Variants in NPTN observed in about 807,000 individuals in gnomAD.
The protein encoded by NPTN is SDR-1.
In NPTN, 5 loss-of-function variants were observed where a neutral mutation model predicts 42.7. The observed-to-expected ratio is 0.12, with a 90% confidence interval of 0.06 to 0.25. NPTN has a LOEUF of 0.25. Among genes scored for constraint, NPTN ranks in the 10% least tolerant of loss-of-function variants. The pLI is 1.00. For missense variants in NPTN, 307 were observed against 525.4 expected (o/e 0.58, Z 4.06); for synonymous variants, 180 against 201.9 (o/e 0.89, Z 0.92).
intron 1 of NPTN, among the ~76,000 whole-genome samples, chr15:73,609,090 TC>T (rs1053645135): frequency 4.8e-4 from 73 of 152,164 alleles, no homozygotes; most frequent in African/African-American, 1.7e-3. Context: ...TATACTTCTT[TC>T]CAAATGATTC....
intron 1 of NPTN, among the ~76,000 whole-genome samples, chr15:73,622,499 T>TTA (rs1200091589): frequency 1.7e-4 from 21 of 123,666 alleles, no homozygotes; most frequent in African/African-American, 6.2e-4. Flanking sequence ...AGAATTGTTT[T>TTA]AAAAAAAAAA....
At chr15:73,605,102 G>T (rs373640236) in intron 1 of NPTN, among the ~76,000 whole-genome samples, 12 of 138,956 alleles carry the variant, frequency 8.6e-5, no homozygotes, top group Non-Finnish European at 1.2e-4. Flanking sequence ...TGTCTCAAGG[G>T]GGGGGGGGGA....
intron 1 of NPTN, among the ~76,000 whole-genome samples, chr15:73,625,373 C>T (rs754902067): frequency 2.7e-5 from 4 of 150,804 alleles, no homozygotes; most frequent in Admixed American, 1.3e-4. Context: ...TTTTTTGAGA[C>T]GGAGTCTGGC....
intron 1 of NPTN, among the ~76,000 whole-genome samples, chr15:73,613,224 A>T (rs920528032): frequency 1.1e-4 from 17 of 152,210 alleles, no homozygotes; most frequent in African/African-American, 4.1e-4. Context: ...AATCCCTTTG[A>T]TTGTTAAATA....
At chr15:73,595,086 A>G (rs969068289) in intron 2 of NPTN, among the ~76,000 whole-genome samples, 1 of 152,182 alleles carries the variant, frequency 6.6e-6, no homozygotes, top group Non-Finnish European at 1.5e-5. Context: ...AACCACATGC[A>G]GACAATTCTA....
In NPTN at chr15:73,567,864, GCAA is replaced by G. The variant is rs570420182; in HGVS notation, c.1114+2283_1114+2285del. On this transcript the variant is annotated intron_variant, in intron 6 of 8. Transcript: ENST00000345330. Reference sequence around the variant, plus strand: ...AGCATCTCAGATTTTTCACCCCAATGCAACAACAACGAAGTAAACGCTGCTTTC... The same window carrying G: ...AGCATCTCAGATTTTTCACCCCAATGCAACAACGAAGTAAACGCTGCTTTC... The G allele has an allele frequency of 1.0e-5, 10 of 985,396 alleles. No homozygotes were observed. In the South Asian group the frequency reaches 1.9e-4, roughly 19 times the overall value. The allele number at this position is 985,396 out of a possible 1,614,324, so 61.0% of individuals were successfully genotyped here.
rs563433827 is a variant in NPTN, at chr15:73,588,688, C to T, written c.612-1070G>A. On this transcript the variant is annotated intron_variant, in intron 3 of 8. Transcript: ENST00000345330. ...CTCTTAGTCTACCTAACTCCTTTTC[C>T]ATCAGGTCTTGGCTTACGTGTCAGT... Among the ~76,000 whole-genome samples the T allele has an allele frequency of 1.9e-3, 287 of 152,278 alleles. 2 individuals carry two copies. Among genetic ancestry groups the T allele is most frequent in the Admixed American group, 6.1e-3 (93 of 15,296 alleles).
intron 1 of NPTN, among the ~76,000 whole-genome samples, chr15:73,620,475 G>A (rs993140871): frequency 6.6e-6 from 1 of 152,194 alleles, no homozygotes; most frequent in African/African-American, 2.4e-5. Flanking sequence ...TGACTGAGGT[G>A]AAACTACTAG....
chr15:73,594,380 G>C (rs1896736430), intron 2 of NPTN, among the ~76,000 whole-genome samples: 1 of 152,228 alleles, frequency 6.6e-6, no homozygotes, highest in Non-Finnish European at 1.5e-5. Context: ...TTTCTGCCAA[G>C]TATTCTTTGA....
chr15:73,632,631 C>A, intron 1 of NPTN: 1 of 153,824 alleles, frequency 6.5e-6, no homozygotes, highest in Non-Finnish European at 1.4e-5. Flanking sequence ...TCTCTTCCCC[C>A]CAATTTCCCC....
At chr15:73,601,126 C>A (rs779148326) in intron 1 of NPTN, among the ~76,000 whole-genome samples, 1 of 152,264 alleles carries the variant, frequency 6.6e-6, no homozygotes, top group Non-Finnish European at 1.5e-5. Flanking sequence ...AGGGCAGGTG[C>A]GGAGACAGGT....
At position 73,569,172 on chromosome 15, in the gene NPTN, G is replaced by T; in HGVS notation, c.1114+978C>A. The T allele has an allele frequency of 1.0e-6, 1 of 985,472 alleles. No homozygotes were observed. The highest frequency in any genetic ancestry group is 1.2e-6 in the Non-Finnish European group (1 of 829,982). The allele number at this position is 985,472 out of a possible 1,614,324, so 61.0% of individuals were successfully genotyped here. A position where few individuals can be genotyped will look rare whatever the true frequency, so the allele number is the denominator to read the frequency against. On this transcript the variant is annotated intron_variant, in intron 6 of 8. Coordinates refer to ENST00000345330, the MANE Select transcript of NPTN (RefSeq NM_012428.4). The surrounding 1 kb of genome is among the most constrained non-coding windows in gnomAD (Gnocchi z 4.1). ...TCTAGCCAGGGACAGACTAGTGGTG[G>T]TAACAGTCGGCCAATTAATTTCTGT... is the stretch of plus-strand genomic sequence containing the variant.
At chr15:73,613,483 G>C (rs991316527) in intron 1 of NPTN, among the ~76,000 whole-genome samples, 1 of 151,956 alleles carries the variant, frequency 6.6e-6, no homozygotes, top group Non-Finnish European at 1.5e-5. Flanking sequence ...AGTATACAAA[G>C]ATCAATGAAC....
intron 1 of NPTN, among the ~76,000 whole-genome samples, chr15:73,626,769 G>A (rs556213553): frequency 1.2e-4 from 19 of 152,204 alleles, no homozygotes; most frequent in Admixed American, 3.3e-4. Flanking sequence ...AAAACTATTG[G>A]TACGATTTGG....
chr15:73,627,000 C>T (rs543302359), intron 1 of NPTN, among the ~76,000 whole-genome samples: 9 of 152,182 alleles, frequency 5.9e-5, no homozygotes, highest in South Asian at 2.1e-4. Flanking sequence ...TTTGGGAGGC[C>T]GAGGTGGGCA....
chr15:73,573,617 G>A, intron 5 of NPTN, 45 bp downstream of exon 5: 1 of 1,523,396 alleles, frequency 6.6e-7, no homozygotes, highest in Non-Finnish European at 8.8e-7. Context: ...GACCTCTGCA[G>A]GGAAAACTCC....
Position 73,633,159 on chromosome 15 carries a change from G to A in NPTN, c.57C>T (p.Gly19=), listed in dbSNP as rs1404711527. 3 of 1,513,226 alleles carry A rather than the reference G, an allele frequency of 2.0e-6. No homozygotes were observed. The highest frequency in any genetic ancestry group is 1.8e-6 in the Non-Finnish European group (2 of 1,137,626). 93.7% of individuals were successfully genotyped at this position (1,513,226 alleles called of 1,614,324 possible). ...ALALSLLLVS[G]SLLPGPGAAQ... is the part of the protein sequence containing the mutation. The stretch of plus-strand genomic sequence containing the variant: ...CGGCGCCTGGCCCTGGGAGGAGGGA[G>A]CCAGAGACCAGCAACAGCGAGAGGG... The change falls in exon 1 of 9, where the codon GGC becomes GGT. Residue 19 remains glycine (G), a synonymous_variant. Transcript: ENST00000345330.
intron 7 of NPTN, 140 bp downstream of exon 7, chr15:73,563,096 C>G (rs1201173826): frequency 3.0e-6 from 2 of 660,234 alleles, no homozygotes; most frequent in East Asian, 5.5e-5. Context: ...AGATCTGTGT[C>G]AAGCTAAGAA....
At chr15:73,623,580 G>C (rs1898242485) in intron 1 of NPTN, among the ~76,000 whole-genome samples, 1 of 152,094 alleles carries the variant, frequency 6.6e-6, no homozygotes, top group African/African-American at 2.4e-5. Context: ...CCAGCTACTT[G>C]GAAAGCTGAG....
Sources: allele counts gnomAD v4.1 joint callset (sites outside exome capture counted in the v4.1 genomes callset), GRCh38; gene constraint gnomAD v4.1.1; non-coding constraint Gnocchi (gnomAD v3.1); transcripts MANE v1.5; gene names NCBI Gene and HGNC (gene_info 2026-07-23, HGNC 2026-07-21).